Variants in TBC1D22A observed in about 807,000 individuals in gnomAD.
The protein encoded by TBC1D22A is TBC1 domain family member 22A.
Under a neutral mutation model 60.2 loss-of-function variants are expected in TBC1D22A, and 38 were observed. The observed-to-expected ratio is 0.63, with a 90% CI of 0.49 to 0.83. The LOEUF is 0.83. Ranked by LOEUF, TBC1D22A falls within the 40% of genes least tolerant of loss-of-function variation. The probability of loss-of-function intolerance (pLI) is 0.00; values close to 1 mark genes in which losing one functional copy is unlikely to be tolerated. For missense variants in TBC1D22A, 628 were observed against 701.0 expected, an observed-to-expected ratio of 0.90 and a Z score of 1.18; for synonymous variants, 302 against 281.7, an observed-to-expected ratio of 1.07 and a Z score of -0.72.
chr22:47,135,079 G>T (rs1397104342), intron 12 of TBC1D22A, among the ~76,000 whole-genome samples: 2 of 152,222 alleles, frequency 1.3e-5, no homozygotes, highest in African/African-American at 2.4e-5. Context: ...GTCCCCAGCT[G>T]GGAAGGGGAC....
At chr22:47,085,494 A>T (rs1263357581) in intron 11 of TBC1D22A, among the ~76,000 whole-genome samples, 1 of 152,154 alleles carries the variant, frequency 6.6e-6, no homozygotes, top group Non-Finnish European at 1.5e-5. Flanking sequence ...ATTATTAGGC[A>T]TGGAAGGATT....
intron 12 of TBC1D22A, among the ~76,000 whole-genome samples, chr22:47,171,907 C>T (rs1185331422): frequency 6.6e-6 from 1 of 150,914 alleles, no homozygotes; most frequent in Non-Finnish European, 1.5e-5. Flanking sequence ...CTCAGTGCCC[C>T]CATAGCCCAT....
intron 5 of TBC1D22A, among the ~76,000 whole-genome samples, chr22:46,884,222 G>A (rs1602304889): frequency 1.3e-5 from 2 of 152,252 alleles, no homozygotes; most frequent in African/African-American, 4.8e-5. Flanking sequence ...GGTGAGGGCC[G>A]AGGAGGGGAA....
At chr22:46,838,028 CTA>C (rs1263144378) in intron 4 of TBC1D22A, among the ~76,000 whole-genome samples, 5 of 152,198 alleles carry the variant, frequency 3.3e-5, no homozygotes, top group African/African-American at 1.2e-4. Flanking sequence ...CCACTGCACT[CTA>C]GCCTGGGAGA....
chr22:46,807,490 C>G (rs772416633), intron 4 of TBC1D22A, among the ~76,000 whole-genome samples: 3 of 152,130 alleles, frequency 2.0e-5, no homozygotes, highest in African/African-American at 7.2e-5. Context: ...CACATGCATG[C>G]GTCTGTGTGA....
At chr22:47,027,647 C>T (rs2062304642) in intron 10 of TBC1D22A, among the ~76,000 whole-genome samples, 1 of 152,210 alleles carries the variant, frequency 6.6e-6, no homozygotes, top group African/African-American at 2.4e-5. Flanking sequence ...CAAGGAAACA[C>T]AGAGCGTCTT....
chr22:47,007,151 C>A (rs950278244), intron 10 of TBC1D22A, among the ~76,000 whole-genome samples: 42 of 152,168 alleles, frequency 2.8e-4, no homozygotes, highest in African/African-American at 8.5e-4. Flanking sequence ...ACATTGACCT[C>A]GACCCAGGGG....
chr22:46,809,139 G>A (rs922262335), intron 4 of TBC1D22A, among the ~76,000 whole-genome samples: 2 of 152,220 alleles, frequency 1.3e-5, no homozygotes, highest in African/African-American at 4.8e-5. Context: ...CCAGAGGCTG[G>A]AAGTCCAGGA....
At chr22:47,031,381 C>T (rs897580483) in intron 10 of TBC1D22A, among the ~76,000 whole-genome samples, 2 of 152,234 alleles carry the variant, frequency 1.3e-5, no homozygotes, top group African/African-American at 4.8e-5. Context: ...CAGAGGCAAC[C>T]CTGGGAAGTG....
At chr22:46,766,850 T>G (rs149510987) in intron 1 of TBC1D22A, among the ~76,000 whole-genome samples, 14 of 152,318 alleles carry the variant, frequency 9.2e-5, no homozygotes, top group African/African-American at 3.4e-4. Flanking sequence ...CCTCCTGTTT[T>G]TATGCAGCCT....
chr22:47,042,057 A>C (rs939850477), intron 11 of TBC1D22A, among the ~76,000 whole-genome samples: 1 of 152,256 alleles, frequency 6.6e-6, no homozygotes, highest in African/African-American at 2.4e-5. Context: ...CTTTGTTGCC[A>C]GGCAGTCATT....
intron 8 of TBC1D22A, among the ~76,000 whole-genome samples, chr22:46,947,191 A>T (rs1232502030): frequency 6.6e-6 from 1 of 152,132 alleles, no homozygotes; most frequent in Non-Finnish European, 1.5e-5. Context: ...TGGGGAAAAC[A>T]TTTGCTGTAT....
intron 11 of TBC1D22A, among the ~76,000 whole-genome samples, chr22:47,082,030 T>C (rs1041629735): frequency 2.0e-5 from 3 of 152,114 alleles, no homozygotes; most frequent in Non-Finnish European, 2.9e-5. Context: ...TGGTGACGCA[T>C]GCCTGTAGTC....
chr22:46,785,673 G>C (rs1351655478), intron 1 of TBC1D22A, among the ~76,000 whole-genome samples: 3 of 152,160 alleles, frequency 2.0e-5, no homozygotes, highest in Non-Finnish European at 4.4e-5. Context: ...GTCTATTCTA[G>C]GGATTTCAAA....
intron 10 of TBC1D22A, among the ~76,000 whole-genome samples, chr22:47,027,978 G>A (rs925089604): frequency 1.3e-5 from 2 of 152,154 alleles, no homozygotes; most frequent in African/African-American, 4.8e-5. Context: ...CAGGCACCCA[G>A]GGAAGCGGCT....
chr22:47,055,803 G>A (rs952860092), intron 11 of TBC1D22A, among the ~76,000 whole-genome samples: 1 of 151,964 alleles, frequency 6.6e-6, no homozygotes, highest in Non-Finnish European at 1.5e-5. Flanking sequence ...GGGCATAGAT[G>A]TGATCCCTGC....
intron 12 of TBC1D22A, among the ~76,000 whole-genome samples, chr22:47,138,941 C>CTTCCAA (rs2066981227): frequency 6.6e-6 from 1 of 152,204 alleles, no homozygotes; most frequent in African/African-American, 2.4e-5. Context: ...CTTCCTAATA[C>CTTCCAA]TACCACCTTG....
chr22:46,980,334 C>G (rs2074465621), intron 9 of TBC1D22A, among the ~76,000 whole-genome samples: 1 of 152,128 alleles, frequency 6.6e-6, no homozygotes, highest in Non-Finnish European at 1.5e-5. Flanking sequence ...AGGTGCCCAC[C>G]ACCACACCCA....
At chr22:46,851,954 C>T (rs2087299565) in intron 4 of TBC1D22A, among the ~76,000 whole-genome samples, 1 of 152,230 alleles carries the variant, frequency 6.6e-6, no homozygotes, top group African/African-American at 2.4e-5. Context: ...AGGCTCCTCA[C>T]AGCCCCTGGC....
Sources: gnomAD v4.1 joint callset for allele counts (sites outside exome capture counted in the v4.1 genomes callset) on GRCh38, gnomAD v4.1.1 for gene constraint, MANE v1.5 for transcripts, NCBI Gene and HGNC (gene_info 2026-07-23, HGNC 2026-07-21) for gene names.